The following INPP4B variants were observed in gnomAD, a reference collection of about 807,000 sequenced individuals.
The protein encoded by INPP4B is inositol polyphosphate-4-phosphatase type II B, also known as inositol polyphosphate 4-phosphatase type II.
In INPP4B, 55 loss-of-function variants were observed where a neutral mutation model predicts 122.5. That is an observed-to-expected ratio of 0.45 (90% CI 0.36 to 0.56). The LOEUF (loss-of-function observed/expected upper bound fraction) is 0.56, where lower values mean the gene tolerates loss of function less well. Ranked by LOEUF, INPP4B falls within the 20% of genes least tolerant of loss-of-function variation. The pLI, the probability that INPP4B is intolerant of heterozygous loss-of-function variation, is 0.00. For synonymous variants in INPP4B, 403 were observed against 388.7 expected (o/e 1.04, Z -0.43); for missense variants, 1,000 against 1,097.7 (o/e 0.91, Z 1.26).
At chr4:142,307,679 T>G in intron 8 of INPP4B, among the ~76,000 whole-genome samples, 1 of 152,248 alleles carries the variant, frequency 6.6e-6, no homozygotes, top group East Asian at 1.9e-4. Flanking sequence ...TTTAGCATTT[T>G]GTATTTTAAA....
At chr4:142,277,926 T>A (rs1161255047) in intron 9 of INPP4B, among the ~76,000 whole-genome samples, 1 of 151,294 alleles carries the variant, frequency 6.6e-6, no homozygotes, top group Non-Finnish European at 1.5e-5. Flanking sequence ...AAGAGGGGAG[T>A]GAGTGGTAAA....
intron 16 of INPP4B, among the ~76,000 whole-genome samples, chr4:142,173,423 A>G (rs1436929809): frequency 6.0e-5 from 9 of 149,414 alleles, no homozygotes; most frequent in Non-Finnish European, 1.0e-4. Flanking sequence ...ATTTCCTACT[A>G]AGAAAAAAAA....
chr4:142,334,465 T>C (rs1046941357), intron 7 of INPP4B, among the ~76,000 whole-genome samples: 3 of 152,208 alleles, frequency 2.0e-5, no homozygotes, highest in African/African-American at 7.2e-5. Flanking sequence ...TTTGGATATA[T>C]ACCCAGAAGT....
intron 2 of INPP4B, among the ~76,000 whole-genome samples, chr4:142,526,137 A>T (rs1357376638): frequency 6.6e-6 from 1 of 152,144 alleles, no homozygotes; most frequent in Non-Finnish European, 1.5e-5. Flanking sequence ...GCCATTAAAT[A>T]TAAAATAGTT....
chr4:142,560,223 C>T (rs547003050), intron 2 of INPP4B, among the ~76,000 whole-genome samples: 1 of 152,206 alleles, frequency 6.6e-6, no homozygotes, highest in Non-Finnish European at 1.5e-5. Context: ...CCATGTGCCT[C>T]TCCTAAGCAT....
At chr4:142,561,148 GATC>G (rs1359416066) in intron 2 of INPP4B, among the ~76,000 whole-genome samples, 2 of 152,070 alleles carry the variant, frequency 1.3e-5, no homozygotes, top group African/African-American at 4.8e-5. Flanking sequence ...TTCTGCAAAA[GATC>G]ATAATTTAAT....
intron 3 of INPP4B, among the ~76,000 whole-genome samples, chr4:142,457,336 T>C (rs1204356794): frequency 6.6e-6 from 1 of 151,966 alleles, no homozygotes; most frequent in African/African-American, 2.4e-5. Context: ...GTTGAGAAAA[T>C]GAAAAGACAA....
chr4:142,467,409 C>G (rs755059704), intron 2 of INPP4B, among the ~76,000 whole-genome samples: 1 of 152,176 alleles, frequency 6.6e-6, no homozygotes, highest in Non-Finnish European at 1.5e-5. Context: ...GATAGCCTTG[C>G]TGGGTTTCTG....
In INPP4B at chr4:142,197,267, AT is replaced by A. The variant is rs966237519; in HGVS notation, c.1073-4073del. ...TGTCCAGTTACAACAGCAATTCCACATTTCTTGAAGTCTTTACATCTTCATC... is the reference window on the plus strand; with the variant it reads ...TGTCCAGTTACAACAGCAATTCCACATTCTTGAAGTCTTTACATCTTCATC... On this transcript the variant is annotated intron_variant, in intron 14 of 25. Transcript: ENST00000262992. Among the ~76,000 whole-genome samples, 45 of 152,078 alleles carry A rather than the reference AT, an allele frequency of 3.0e-4. 1 individual carries two copies. The highest frequency in any genetic ancestry group is 6.8e-3 in the Middle Eastern group (2 of 294).
intron 15 of INPP4B, among the ~76,000 whole-genome samples, chr4:142,189,185 T>A (rs1907127): frequency 6.6e-6 from 1 of 152,234 alleles, no homozygotes; most frequent in Non-Finnish European, 1.5e-5. Context: ...TGACAAGGCT[T>A]CTTTAGCTCT....
chr4:142,234,208 T>A (rs1855686287), intron 12 of INPP4B, among the ~76,000 whole-genome samples: 1 of 152,206 alleles, frequency 6.6e-6, no homozygotes, highest in Admixed American at 6.5e-5. Context: ...GTCCTGCACA[T>A]CTAACATCTT....
chr4:142,729,055 A>T (rs563158412), intron 1 of INPP4B, among the ~76,000 whole-genome samples: 1 of 152,216 alleles, frequency 6.6e-6, no homozygotes, highest in Non-Finnish European at 1.5e-5. Flanking sequence ...AAATGAAACC[A>T]TTCTACCTCA....
At chr4:142,544,122 G>GTA in intron 2 of INPP4B, among the ~76,000 whole-genome samples, 1 of 4,534 alleles carries the variant, frequency 2.2e-4, no homozygotes, top group African/African-American at 2.5e-4. Flanking sequence ...ACTGCATGGT[G>GTA]TGTGTGTGGT....
chr4:142,395,221 A>C (rs780346503), intron 7 of INPP4B, among the ~76,000 whole-genome samples: 8 of 152,212 alleles, frequency 5.3e-5, no homozygotes, highest in Non-Finnish European at 1.0e-4. Flanking sequence ...AGTGCAATGT[A>C]CTTTGATATG....
intron 9 of INPP4B, among the ~76,000 whole-genome samples, chr4:142,293,623 A>AT (rs746322012): frequency 1.3e-5 from 2 of 152,024 alleles, no homozygotes; most frequent in African/African-American, 2.4e-5. Flanking sequence ...AACAGTATTC[A>AT]TTTTTTCCCT....
At chr4:142,445,533 T>C (rs962843284) in intron 3 of INPP4B, among the ~76,000 whole-genome samples, 2 of 152,170 alleles carry the variant, frequency 1.3e-5, no homozygotes, top group Non-Finnish European at 2.9e-5. Context: ...TAAATGTGAA[T>C]GTACCTAAAA....
intron 6 of INPP4B, among the ~76,000 whole-genome samples, chr4:142,403,663 C>T (rs75178519): frequency 0.015 from 2,217 of 152,198 alleles, 17 homozygotes; most frequent in Middle Eastern, 0.051. Flanking sequence ...CCTCAGAATT[C>T]ATTTTTAGAG....
chr4:142,470,487 A>G (rs1205999731), intron 2 of INPP4B, among the ~76,000 whole-genome samples: 3 of 152,094 alleles, frequency 2.0e-5, no homozygotes, highest in Non-Finnish European at 4.4e-5. Flanking sequence ...TTTTCTAAGA[A>G]CTCTAAAAGT....
intron 1 of INPP4B, among the ~76,000 whole-genome samples, chr4:142,788,452 T>C (rs1342514366): frequency 6.6e-6 from 1 of 152,088 alleles, no homozygotes; most frequent in Non-Finnish European, 1.5e-5. Context: ...TTAGAGAAAC[T>C]AGAAACGTTT....
Sources: allele counts gnomAD v4.1 joint callset (sites outside exome capture counted in the v4.1 genomes callset), GRCh38; gene constraint gnomAD v4.1.1; transcripts MANE v1.5; gene names NCBI Gene and HGNC (gene_info 2026-07-23, HGNC 2026-07-21).